KANSL3: variants seen among roughly 807,000 people sequenced by gnomAD.
The protein encoded by KANSL3 is KAT8 regulatory NSL complex subunit 3.
A neutral mutation model predicts 89.2 loss-of-function variants in KANSL3; 16 were observed. That is an observed-to-expected ratio of 0.18 (90% confidence interval 0.12 to 0.27). The LOEUF is 0.27. KANSL3 is among the 10% of genes least tolerant of loss of function. The probability of loss-of-function intolerance (pLI) is 1.00; values close to 1 mark genes in which losing one functional copy is unlikely to be tolerated. For synonymous variants in KANSL3, 385 were observed against 419.7 expected (o/e 0.92, Z 1.01); for missense variants, 879 against 1,110.6 (o/e 0.79, Z 2.96).
At chr2:96,581,643 C>T in the KANSL3 span, among the ~76,000 whole-genome samples, 1 of 152,130 alleles carries the variant, frequency 6.6e-6, no homozygotes, top group African/African-American at 2.4e-5. Context: ...ACTATATTTT[C>T]TTTGAGGCTT....
intron 17 of KANSL3, 44 bp downstream of exon 17, chr2:96,604,205 CA>C: frequency 7.8e-6 from 12 of 1,546,516 alleles, no homozygotes; most frequent in East Asian, 2.3e-5. Flanking sequence ...AGCAGCAGAC[CA>C]AAAATTCTGT....
At position 96,608,585 on chromosome 2, in the gene KANSL3, C is replaced by A. The variant is rs2068362320; in HGVS notation, c.1664G>T (p.Ser555Ile). The part of the protein sequence containing the change: ...VTTVTSAQKS[S>I]QIGSSQLLKR... The stretch of plus-strand genomic sequence containing the variant: ...CAGCAGCTGAGAACTTCCAATCTGA[C>A]TGGACTTCTGGGCAGAGGTCACTGT... The change falls in exon 14 of 21, where the codon AGT becomes ATT. Residue 555 changes from serine (S) to isoleucine (I), a missense_variant. Physicochemically the swap from Ser to Ile is moderately radical, Grantham distance 142 (BLOSUM62 -2). This residue lies in a region of KANSL3 where 317 missense variants were observed against 311.2 expected (regional missense o/e 1.02). Transcript: ENST00000431828. 1.2e-6 allele frequency: 2 copies of A among 1,613,936 alleles called. No homozygotes were observed. The highest frequency in any genetic ancestry group is 8.5e-7 in the Non-Finnish European group (1 of 1,179,918).
At chr2:96,623,863 T>A (rs2071787228) in intron 3 of KANSL3, among the ~76,000 whole-genome samples, 1 of 152,232 alleles carries the variant, frequency 6.6e-6, no homozygotes, top group Non-Finnish European at 1.5e-5. Flanking sequence ...ATGGGATGAC[T>A]GTCTTCTTCA....
chr2:96,624,323 T>C (rs2071886604), intron 3 of KANSL3, among the ~76,000 whole-genome samples: 1 of 152,168 alleles, frequency 6.6e-6, no homozygotes, highest in East Asian at 1.9e-4. Context: ...AGAGGATGCT[T>C]ACAAGTCATT....
chr2:96,632,359 G>A (rs946704540), intron 2 of KANSL3, among the ~76,000 whole-genome samples: 1 of 151,926 alleles, frequency 6.6e-6, no homozygotes, highest in African/African-American at 2.4e-5. Flanking sequence ...CCCAGAAACT[G>A]AAGTGGGAGG....
chr2:96,612,937 A>G lies in KANSL3; in HGVS notation c.796-3T>C, dbSNP rs188355946. On this transcript the variant is annotated splice_region_variant and splice_polypyrimidine_tract_variant and intron_variant, in intron 6 of 20. Coordinates refer to ENST00000431828, the MANE Select transcript of KANSL3 (RefSeq NM_001115016.3). ...AGCGGAGAGCCAGGGAGTTTGCTCT[A>G]AAGAGGAAGAATCCCACCCAAAAAC... is the stretch of plus-strand genomic sequence containing the variant. 8.4e-6 allele frequency: 13 copies of G among 1,548,180 alleles called. No homozygotes were observed. The East Asian group carries it at 2.2e-4, about 26-fold the overall frequency.
intron 9 of KANSL3, 49 bp downstream of exon 9, chr2:96,612,233 G>T: frequency 1.6e-6 from 2 of 1,270,328 alleles, no homozygotes; most frequent in Non-Finnish European, 2.3e-6. Flanking sequence ...GCTATGATTA[G>T]TGGTATTCCA....
the KANSL3 span, among the ~76,000 whole-genome samples, chr2:96,583,169 CTCTA>C: frequency 3.9e-5 from 6 of 152,214 alleles, no homozygotes; most frequent in African/African-American, 4.8e-5. Flanking sequence ...CACTGTTTTA[CTCTA>C]TCTAAGTGTC....
At chr2:96,588,019 C>A in the KANSL3 span, among the ~76,000 whole-genome samples, 2 of 152,034 alleles carry the variant, frequency 1.3e-5, no homozygotes, top group Admixed American at 1.3e-4. Flanking sequence ...TGCTGTAGGG[C>A]TATACCTAAG....
At position 96,637,139 on chromosome 2, in the gene KANSL3, A is replaced by C. The variant is rs1258513739; in HGVS notation, c.-4T>G. ...TCTCCCCACCCCGGTGGGCCATGTC[A>C]GTGGAGGGGCAGAAAGTCAGAGCAT... On this transcript the variant is annotated 5_prime_UTR_variant, in exon 2 of 21. Coordinates refer to ENST00000431828, the MANE Select transcript of KANSL3 (RefSeq NM_001115016.3). 1.3e-6 allele frequency: 2 copies of C among 1,548,028 alleles called. No individual in the cohort carries two copies. The highest frequency in any genetic ancestry group is 1.7e-6 in the Non-Finnish European group (2 of 1,144,218).
chr2:96,605,208 G>A, intron 15 of KANSL3, 112 bp downstream of exon 15: 1 of 923,598 alleles, frequency 1.1e-6, no homozygotes, highest in East Asian at 2.6e-5. Flanking sequence ...CTTTGCTCCG[G>A]GCATCTCTCA....
intron 18 of KANSL3, 120 bp downstream of exon 18, chr2:96,602,633 G>T: frequency 2.6e-6 from 2 of 775,356 alleles, no homozygotes; most frequent in Non-Finnish European, 2.1e-6. Context: ...CTGCTATGTA[G>T]CTAGAAGGCT....
At chr2:96,607,173 A>T in intron 14 of KANSL3, 1 of 447,422 alleles carries the variant, frequency 2.2e-6, no homozygotes, top group South Asian at 1.8e-5. Context: ...CTGCATGGCA[A>T]CCTGACTCTG....
At chr2:96,631,146 G>A (rs2073310528) in intron 3 of KANSL3, among the ~76,000 whole-genome samples, 166 bp downstream of exon 3, 1 of 152,210 alleles carries the variant, frequency 6.6e-6, no homozygotes, top group African/African-American at 2.4e-5. Context: ...CTACTCTCAA[G>A]GAGCTCACAC....
At chr2:96,626,845 G>T (rs890756308) in intron 3 of KANSL3, among the ~76,000 whole-genome samples, 1 of 152,144 alleles carries the variant, frequency 6.6e-6, no homozygotes, top group African/African-American at 2.4e-5. Context: ...TCTATAAGAG[G>T]CCGGACAGAA....
downstream of KANSL3, among the ~76,000 whole-genome samples, chr2:96,588,248 C>T (rs2066253768): frequency 6.6e-6 from 1 of 151,526 alleles, no homozygotes; most frequent in Admixed American, 6.6e-5. Flanking sequence ...ATATTGAAAG[C>T]ACAAAGAAAC....
chr2:96,583,663 G>A, the KANSL3 span, among the ~76,000 whole-genome samples: 22 of 152,264 alleles, frequency 1.4e-4, no homozygotes, highest in East Asian at 4.2e-3. Context: ...TTCCTATTAA[G>A]GGACATTCAG....
chr2:96,603,085 G>C (rs1017003552), intron 17 of KANSL3, among the ~76,000 whole-genome samples: 1 of 152,164 alleles, frequency 6.6e-6, no homozygotes, highest in African/African-American at 2.4e-5. Flanking sequence ...GACTTGCTCT[G>C]CACCTGCTGC....
intron 20 of KANSL3, chr2:96,600,425 A>G: frequency 6.1e-6 from 6 of 981,846 alleles, no homozygotes; most frequent in Non-Finnish European, 6.0e-6. Context: ...ATAAAATTAA[A>G]ACATTTCCAT....
Sources: allele counts gnomAD v4.1 joint callset (sites outside exome capture counted in the v4.1 genomes callset), GRCh38; gene constraint gnomAD v4.1.1; regional missense constraint gnomAD v4.1.1; transcripts MANE v1.5; gene names NCBI Gene and HGNC (gene_info 2026-07-23, HGNC 2026-07-21).